The following TOM1L2 variants were observed in gnomAD, a reference collection of about 807,000 sequenced individuals.
The protein encoded by TOM1L2 is TOM1-like protein 2.
In TOM1L2, 31 loss-of-function variants were observed where a neutral mutation model predicts 67.9. The observed-to-expected ratio is 0.46, with a 90% CI of 0.34 to 0.62. TOM1L2 has a LOEUF of 0.62. Ranked by LOEUF, TOM1L2 falls within the 20% of genes least tolerant of loss-of-function variation. The pLI is 0.01. For synonymous variants in TOM1L2, 256 were observed against 254.0 expected, an observed-to-expected ratio of 1.01 and a Z score of -0.07; for missense variants, 606 against 663.5, an observed-to-expected ratio of 0.91 and a Z score of 0.95.
intron 1 of TOM1L2, among the ~76,000 whole-genome samples, chr17:17,957,470 C>T (rs1197349422): frequency 1.3e-5 from 2 of 152,106 alleles, no homozygotes; most frequent in Non-Finnish European, 2.9e-5. Context: ...CCTGAGGGAG[C>T]TTTCTGGGGT....
At chr17:17,950,520 C>T (rs1358227293) in intron 1 of TOM1L2, among the ~76,000 whole-genome samples, 1 of 151,902 alleles carries the variant, frequency 6.6e-6, no homozygotes, top group Non-Finnish European at 1.5e-5. Flanking sequence ...CCTCAAGCTC[C>T]TGGGCTTAAG....
At chr17:17,869,154 C>A in intron 8 of TOM1L2, 186 bp downstream of exon 8, 1 of 1,119,552 alleles carries the variant, frequency 8.9e-7, no homozygotes, top group Admixed American at 2.6e-5. Context: ...TTCTGCTGCT[C>A]AGTTCCCAGG....
At position 17,850,962 on chromosome 17, in the gene TOM1L2, C is replaced by T. The variant is rs757323615; in HGVS notation, c.1279-10G>A. The T allele has an allele frequency of 1.3e-5, 21 of 1,613,428 alleles. No homozygotes were observed. The highest frequency in any genetic ancestry group is 2.7e-5 in the African/African-American group (2 of 74,938). ...GCTGCGCAACGGGGATCTATGGAGGCGGCAAGCAGCGGGCCAGGCAGCCCC... is the reference window on the plus strand; with the variant it reads ...GCTGCGCAACGGGGATCTATGGAGGTGGCAAGCAGCGGGCCAGGCAGCCCC... On this transcript the variant is annotated splice_polypyrimidine_tract_variant and intron_variant, in intron 12 of 14. Coordinates refer to ENST00000379504, the MANE Select transcript of TOM1L2 (RefSeq NM_001082968.2).
intron 12 of TOM1L2, among the ~76,000 whole-genome samples, chr17:17,853,949 G>A (rs1230766078): frequency 6.6e-6 from 1 of 152,230 alleles, no homozygotes; most frequent in Non-Finnish European, 1.5e-5. Context: ...TTTCAGGTTG[G>A]TGCTTCTGTT....
intron 4 of TOM1L2, among the ~76,000 whole-genome samples, chr17:17,891,929 A>C (rs1037704575): frequency 6.6e-6 from 1 of 152,030 alleles, no homozygotes; most frequent in African/African-American, 2.4e-5. Flanking sequence ...AATTAACTAC[A>C]TTCACTCATT....
chr17:17,956,838 C>T (rs1354439540), intron 1 of TOM1L2, among the ~76,000 whole-genome samples: 2 of 152,230 alleles, frequency 1.3e-5, no homozygotes, highest in African/African-American at 2.4e-5. Flanking sequence ...GCCCGGTTCC[C>T]GCCCGCGCCT....
intron 1 of TOM1L2, among the ~76,000 whole-genome samples, chr17:17,937,105 TC>T (rs1214748016): frequency 6.6e-6 from 1 of 152,164 alleles, no homozygotes; most frequent in African/African-American, 2.4e-5. Context: ...AGGCCATCTG[TC>T]CCTGCAGCCC....
In TOM1L2 at chr17:17,882,686, C is replaced by A. The variant is rs368135913; in HGVS notation, c.660+19G>T. On this transcript the variant is annotated intron_variant, in intron 6 of 14. Coordinates refer to ENST00000379504, the MANE Select transcript of TOM1L2 (RefSeq NM_001082968.2). ...GGATAGTCAGCTGGCTTGCCTATGG[C>A]CCCGAAGTATGCAAGTACCTGTTCT... The A allele has an allele frequency of 3.8e-5, 62 of 1,611,976 alleles. No individual in the cohort carries two copies. The Admixed American group carries it at 4.0e-4, about 10-fold the overall frequency.
chr17:17,957,282 C>T (rs575288829), intron 1 of TOM1L2, among the ~76,000 whole-genome samples: 1 of 152,366 alleles, frequency 6.6e-6, no homozygotes, highest in East Asian at 1.9e-4. Flanking sequence ...CTCCCTTATA[C>T]AGCCTTTCAA....
intron 1 of TOM1L2, among the ~76,000 whole-genome samples, chr17:17,936,120 T>G (rs1455038701): frequency 6.6e-6 from 1 of 152,260 alleles, no homozygotes; most frequent in African/African-American, 2.4e-5. Flanking sequence ...TGTCTTCCTC[T>G]GCAGCCCATC....
In TOM1L2 at chr17:17,848,750, A is replaced by G. The variant is rs956473012; in HGVS notation, c.1375+73T>C. The G allele has an allele frequency of 3.2e-6, 5 of 1,551,764 alleles. No homozygotes were observed. The African/African-American group carries it at 4.1e-5, about 13-fold the overall frequency. On this transcript the variant is annotated intron_variant, in intron 14 of 14. Transcript: ENST00000379504. ...CTCTGGCAGCGGGGGCTCCAAGATGATGGGGGCTGGCTCCTGTGCAGCCTG... is the reference window on the plus strand; with the variant it reads ...CTCTGGCAGCGGGGGCTCCAAGATGGTGGGGGCTGGCTCCTGTGCAGCCTG...
chr17:17,869,210 T>A, intron 8 of TOM1L2, 130 bp downstream of exon 8: 1 of 1,505,834 alleles, frequency 6.6e-7, no homozygotes, highest in Non-Finnish European at 8.9e-7. Flanking sequence ...AATTAGCATC[T>A]CTGATGAGTA....
At chr17:17,860,249 C>T (rs1359227097) in intron 12 of TOM1L2, among the ~76,000 whole-genome samples, 2 of 152,216 alleles carry the variant, frequency 1.3e-5, no homozygotes, top group Non-Finnish European at 2.9e-5. Flanking sequence ...GGTGGGAGGA[C>T]ATTCTAAGTA....
intron 10 of TOM1L2, 129 bp downstream of exon 10, chr17:17,866,166 AG>A: frequency 8.6e-7 from 1 of 1,163,294 alleles, no homozygotes; most frequent in South Asian, 1.8e-5. Context: ...GCTAGGACTC[AG>A]GAATACACTT....
In TOM1L2 at chr17:17,918,965, G is replaced by A. The variant is rs550751083; in HGVS notation, c.53-11434C>T. 1.2e-4 allele frequency among the ~76,000 whole-genome samples: 19 copies of A among 152,278 alleles called. No individual in the cohort carries two copies. The South Asian group carries it at 3.7e-3, about 30-fold the overall frequency. ...CCCTTCTGAGGCCCCCAGGTGACAG[G>A]CACTGGGCAGTCTGGTGAGATGAGA... On this transcript the variant is annotated intron_variant, in intron 1 of 14. Coordinates refer to ENST00000379504, the MANE Select transcript of TOM1L2 (RefSeq NM_001082968.2).
chr17:17,882,797 C>A lies in TOM1L2; in HGVS notation c.568G>T (p.Gly190Cys). 6.2e-7 allele frequency: 1 copy of A among 1,614,202 alleles called. No homozygotes were observed. The highest frequency in any genetic ancestry group is 8.5e-7 in the Non-Finnish European group (1 of 1,180,032). The stretch of plus-strand genomic sequence containing the variant: ...GCAGGAGGCGGCGAGGAATAGGAAC[C>A]AGCACTTGTCCTCTGCTGTGATTGG... ...RSQSQQRTSA[G>C]SYSSPPPAPY... Residue 190 changes from glycine (G) to cysteine (C), a missense_variant, in exon 6 of 15, where the codon GGT (glycine) becomes TGT (cysteine). By Grantham distance (159) the Gly-to-Cys change is radical. This residue lies in a region of TOM1L2 where 543 missense variants were observed against 554.0 expected (regional missense o/e 0.98). Coordinates refer to ENST00000379504, the MANE Select transcript of TOM1L2 (RefSeq NM_001082968.2).
chr17:17,896,344 G>T (rs1169418824), intron 3 of TOM1L2, among the ~76,000 whole-genome samples: 2 of 152,146 alleles, frequency 1.3e-5, no homozygotes, highest in African/African-American at 2.4e-5. Flanking sequence ...GTGGGGAAGA[G>T]AATTGGAAAA....
intron 5 of TOM1L2, 86 bp downstream of exon 5, chr17:17,884,548 A>G: frequency 6.4e-7 from 1 of 1,565,936 alleles, no homozygotes; most frequent in Non-Finnish European, 8.7e-7. Context: ...GAATAATTCA[A>G]AGGCAGCAGC....
intron 1 of TOM1L2, among the ~76,000 whole-genome samples, chr17:17,942,097 C>T (rs568438834): frequency 8.7e-4 from 132 of 152,286 alleles, no homozygotes; most frequent in African/African-American, 3.1e-3. Context: ...GCTCCTAAAA[C>T]GAGAGGCAGA....
Sources: allele counts gnomAD v4.1 joint callset (sites outside exome capture counted in the v4.1 genomes callset), GRCh38; gene constraint gnomAD v4.1.1; regional missense constraint gnomAD v4.1.1; transcripts MANE v1.5; gene names NCBI Gene and HGNC (gene_info 2026-07-23, HGNC 2026-07-21).